Variants in INSL6 observed in about 807,000 individuals in gnomAD.
INSL6 encodes insulin-like peptide INSL6.
Under a neutral mutation model 9.4 loss-of-function variants are expected in INSL6, and 16 were observed. The observed-to-expected ratio is 1.70, with a 90% CI of 1.15 to 2.59. The LOEUF (loss-of-function observed/expected upper bound fraction) is 2.59. Ranked by LOEUF, INSL6 falls within the 30% of genes most tolerant of loss-of-function variation. The pLI is 0.00. For missense variants in INSL6, 391 were observed against 257.3 expected, an observed-to-expected ratio of 1.52 and a Z score of -3.56; for synonymous variants, 154 against 96.9, an observed-to-expected ratio of 1.59 and a Z score of -3.46.
At chr9:4,993,059 T>C in the INSL6 span, among the ~76,000 whole-genome samples, 22 of 152,204 alleles carry the variant, frequency 1.4e-4, no homozygotes, top group African/African-American at 4.3e-4. Context: ...AAAGGCCCCC[T>C]TTTATATAGC....
the INSL6 span, among the ~76,000 whole-genome samples, chr9:5,027,169 T>G: frequency 6.6e-6 from 1 of 152,188 alleles, no homozygotes; most frequent in Non-Finnish European, 1.5e-5. Context: ...AATATCTGCT[T>G]GAAAGAGTCT....
intron 2 of INSL6, among the ~76,000 whole-genome samples, chr9:5,154,041 C>A (rs1465598356): frequency 6.6e-6 from 1 of 152,192 alleles, no homozygotes; most frequent in Admixed American, 6.5e-5. Flanking sequence ...AAGAACAAAG[C>A]TGGAGGCATC....
the INSL6 span, among the ~76,000 whole-genome samples, chr9:5,102,161 G>C: frequency 2.0e-5 from 3 of 152,230 alleles, no homozygotes; most frequent in Admixed American, 1.3e-4. Context: ...TAGACCAATG[G>C]CTAACTACAA....
At position 5,141,321 on chromosome 9, in the gene INSL6, A is replaced by C. The variant is rs977708202; in HGVS notation, c.377-7729T>G. On this transcript the variant is annotated intron_variant, in intron 2 of 3. Coordinates refer to the INSL6 transcript ENST00000649639. ...GGTTGAACTAATTTACACTCCTACCAGCAGTGTAAAAGTGTTCCTTTTTCT... is the reference window on the plus strand; with the variant it reads ...GGTTGAACTAATTTACACTCCTACCCGCAGTGTAAAAGTGTTCCTTTTTCT... Among the ~76,000 whole-genome samples, 11 of 152,314 alleles carry C rather than the reference A, an allele frequency of 7.2e-5. No individual in the cohort carries two copies. The South Asian group carries it at 2.3e-3, about 32-fold the overall frequency.
chr9:5,094,118 T>A, the INSL6 span: 2 of 152,158 alleles, frequency 1.3e-5, no homozygotes, highest in Non-Finnish European at 2.9e-5. Context: ...AATTAACCTT[T>A]TCCTACTTAT....
the INSL6 span, chr9:5,081,895 A>C: frequency 6.4e-7 from 1 of 1,554,170 alleles, no homozygotes; most frequent in Admixed American, 1.7e-5. Flanking sequence ...ATAGAGTATA[A>C]TCATTTCATT....
At chr9:5,073,397 C>T in the INSL6 span, among the ~76,000 whole-genome samples, 1 of 152,154 alleles carries the variant, frequency 6.6e-6, no homozygotes, top group Admixed American at 6.5e-5. Flanking sequence ...TCTAGTTGTA[C>T]TTCTGTCCTC....
chr9:5,044,608 T>C, the INSL6 span: 336 of 791,902 alleles, frequency 4.2e-4, 1 homozygote, highest in African/African-American at 4.8e-3. Context: ...AAACTTTACA[T>C]ATGGGAAAAT....
At chr9:5,105,959 C>A in the INSL6 span, among the ~76,000 whole-genome samples, 49 of 152,048 alleles carry the variant, frequency 3.2e-4, no homozygotes, top group Non-Finnish European at 6.9e-4. Context: ...CCATAAAAGC[C>A]CTAGAAGAAA....
chr9:5,124,481 C>T (rs144764409), exon 4 of INSL6, among the ~76,000 whole-genome samples: 5 of 151,652 alleles, frequency 3.3e-5, no homozygotes, highest in South Asian at 2.1e-4. Context: ...TCCCATACTG[C>T]GCAAAGCAAT....
At chr9:5,077,961 A>C in the INSL6 span, among the ~76,000 whole-genome samples, 26 of 152,324 alleles carry the variant, frequency 1.7e-4, no homozygotes, top group African/African-American at 5.1e-4. Flanking sequence ...GCCAGTCATC[A>C]GACCCCTCAG....
the INSL6 span, among the ~76,000 whole-genome samples, chr9:5,077,239 AT>A: frequency 6.7e-5 from 10 of 150,286 alleles, no homozygotes; most frequent in Admixed American, 1.3e-4. Context: ...ATAATAATAT[AT>A]AATTGTTTAG....
the INSL6 span, among the ~76,000 whole-genome samples, chr9:4,993,693 C>T: frequency 6.6e-6 from 1 of 152,176 alleles, no homozygotes; most frequent in Non-Finnish European, 1.5e-5. Context: ...ATGAAGTTTC[C>T]TCAAGACCCT....
At chr9:5,175,899 T>C (rs1211895889) in intron 1 of INSL6, among the ~76,000 whole-genome samples, 16 of 152,198 alleles carry the variant, frequency 1.1e-4, no homozygotes, top group Admixed American at 1.0e-3. Flanking sequence ...TCATTAAACA[T>C]TACCATGTAA....
chr9:5,099,018 C>G, the INSL6 span: 1 of 152,020 alleles, frequency 6.6e-6, no homozygotes, highest in Non-Finnish European at 1.5e-5. Context: ...CTTATATAAC[C>G]CCAACACCAG....
At chr9:5,014,205 T>C in the INSL6 span, among the ~76,000 whole-genome samples, 1 of 150,148 alleles carries the variant, frequency 6.7e-6, no homozygotes, top group Non-Finnish European at 1.5e-5. Context: ...GTTCTCACTA[T>C]GTTGCCCAGG....
the INSL6 span, chr9:5,041,450 C>T: frequency 1.1e-5 from 7 of 616,122 alleles, no homozygotes; most frequent in Non-Finnish European, 1.9e-5. Context: ...CAGCAGCCTC[C>T]CCTGGCAGGG....
chr9:5,137,488 T>G (rs1824407859), intron 2 of INSL6, among the ~76,000 whole-genome samples: 1 of 149,808 alleles, frequency 6.7e-6, no homozygotes, highest in Admixed American at 6.6e-5. Flanking sequence ...CACCTGATCT[T>G]TGACAAACCC....
the INSL6 span, chr9:5,080,827 A>G: frequency 2.0e-6 from 1 of 497,900 alleles, no homozygotes; most frequent in Non-Finnish European, 3.4e-6. Flanking sequence ...ATGGCTTTTC[A>G]TGCTTTATAC....
Sources: gnomAD v4.1 joint callset for allele counts (sites outside exome capture counted in the v4.1 genomes callset) on GRCh38, gnomAD v4.1.1 for gene constraint, MANE v1.5 for transcripts, NCBI Gene and HGNC (gene_info 2026-07-23, HGNC 2026-07-21) for gene names.